The following EIF3CL variants were observed in gnomAD, a reference collection of about 807,000 sequenced individuals.
EIF3CL encodes the protein eukaryotic translation initiation factor 3 subunit C like.
For synonymous variants in EIF3CL, 2 were observed against 19.6 expected (o/e 0.10, Z 2.37); for missense variants, 5 against 56.1 (o/e 0.09, Z 2.91).
chr16:28,419,320 C>G, the EIF3CL span, among the ~76,000 whole-genome samples: 1 of 150,740 alleles, frequency 6.6e-6, no homozygotes, highest in African/African-American at 2.5e-5. Flanking sequence ...GGTTAACTGT[C>G]TTGACAGGAA....
At chr16:28,384,079 G>A (rs1201004530) in intron 15 of EIF3CL, among the ~76,000 whole-genome samples, 1 of 20,654 alleles carries the variant, frequency 4.8e-5, no homozygotes, top group Non-Finnish European at 1.2e-4. Flanking sequence ...AACAAGGGGC[G>A]CAACACAGCT....
the EIF3CL span, chr16:28,414,994 G>A: frequency 6.3e-6 from 3 of 478,102 alleles, no homozygotes; most frequent in Non-Finnish European, 1.3e-5. Flanking sequence ...CTGTTCCCAA[G>A]ACAGGCGGGG....
the EIF3CL span, among the ~76,000 whole-genome samples, chr16:28,423,861 GC>G: frequency 8.8e-6 from 1 of 113,696 alleles, no homozygotes; most frequent in African/African-American, 2.8e-5. Flanking sequence ...TTGCTCTGTT[GC>G]CCAGGCTGGA....
At chr16:28,415,180 G>A in the EIF3CL span, among the ~76,000 whole-genome samples, 3 of 100,370 alleles carry the variant, frequency 3.0e-5, 1 homozygote, top group Middle Eastern at 3.8e-3. Flanking sequence ...CCCCCTCCCC[G>A]CCCTCTCCAC....
chr16:28,419,058 G>A, the EIF3CL span, among the ~76,000 whole-genome samples: 1 of 142,854 alleles, frequency 7.0e-6, no homozygotes, highest in South Asian at 2.1e-4. Context: ...CCAGGCTGGA[G>A]TGCAGTAGGA....
intron 8 of EIF3CL, among the ~76,000 whole-genome samples, chr16:28,397,008 G>A (rs1380802264): frequency 4.3e-4 from 1 of 2,326 alleles, no homozygotes; most frequent in African/African-American, 9.7e-4. Context: ...TATAATAAAC[G>A]TAAATGAACT....
At chr16:28,417,328 C>G in the EIF3CL span, among the ~76,000 whole-genome samples, 1 of 145,590 alleles carries the variant, frequency 6.9e-6, no homozygotes, top group African/African-American at 2.6e-5. Context: ...CCCAACAGCT[C>G]ATTGAGAACG....
At chr16:28,403,250 A>C (rs1485290994) in intron 2 of EIF3CL, among the ~76,000 whole-genome samples, 1 of 68,652 alleles carries the variant, frequency 1.5e-5, no homozygotes, top group Non-Finnish European at 3.0e-5. Context: ...GAGGCTGTAG[A>C]CTTAAGGCCA....
chr16:28,392,605 A>AAAAAC (rs1175634426), intron 8 of EIF3CL, among the ~76,000 whole-genome samples: 3 of 115,634 alleles, frequency 2.6e-5, no homozygotes, highest in South Asian at 2.5e-4. Flanking sequence ...CAGTCTCCAA[A>AAAAAC]AAAACAAAAC....
the EIF3CL span, among the ~76,000 whole-genome samples, chr16:28,419,044 T>C: frequency 6.9e-6 from 1 of 144,114 alleles, no homozygotes; most frequent in Non-Finnish European, 1.6e-5. Flanking sequence ...TCTCCCTCTG[T>C]TGCCCAGGCT....
At chr16:28,419,315 A>G in the EIF3CL span, among the ~76,000 whole-genome samples, 2 of 150,644 alleles carry the variant, frequency 1.3e-5, no homozygotes, top group South Asian at 4.1e-4. Flanking sequence ...CCTCTGGTTA[A>G]CTGTCTTGAC....
At chr16:28,418,649 TG>T in the EIF3CL span, among the ~76,000 whole-genome samples, 27,503 of 139,826 alleles carry the variant, frequency 0.2, 581 homozygotes, top group Non-Finnish European at 0.25. Context: ...TTTTTTTTTT[TG>T]ACACAGTTTC....
At chr16:28,416,755 G>A in the EIF3CL span, among the ~76,000 whole-genome samples, 1 of 83,930 alleles carries the variant, frequency 1.2e-5, no homozygotes, top group South Asian at 3.2e-4. Context: ...GGAGGGAGGT[G>A]GGGGGGGTCA....
At chr16:28,419,066 G>A in the EIF3CL span, among the ~76,000 whole-genome samples, 3 of 142,232 alleles carry the variant, frequency 2.1e-5, no homozygotes, top group African/African-American at 7.7e-5. Context: ...GAGTGCAGTA[G>A]GATGATCTTG....
the EIF3CL span, among the ~76,000 whole-genome samples, chr16:28,418,314 C>T: frequency 3.3e-5 from 4 of 120,070 alleles, no homozygotes; most frequent in Non-Finnish European, 7.3e-5. Flanking sequence ...CATGCGCCAC[C>T]ACGCCTGGCT....
chr16:28,418,085 G>T, the EIF3CL span, among the ~76,000 whole-genome samples: 7 of 150,674 alleles, frequency 4.6e-5, no homozygotes, highest in Admixed American at 3.3e-4. Context: ...CTATAAAAAA[G>T]AATCCCAGCC....
the EIF3CL span, among the ~76,000 whole-genome samples, chr16:28,416,760 G>T: frequency 3.4e-5 from 4 of 116,064 alleles, no homozygotes; most frequent in Non-Finnish European, 5.7e-5. Flanking sequence ...GAGGTGGGGG[G>T]GGTCAGCCCC....
the EIF3CL span, among the ~76,000 whole-genome samples, chr16:28,417,165 C>G: frequency 7.0e-6 from 1 of 142,374 alleles, no homozygotes; most frequent in African/African-American, 2.7e-5. Context: ...CCCCGCCCGG[C>G]CAGCCGCCCC....
At chr16:28,417,872 C>CA in the EIF3CL span, among the ~76,000 whole-genome samples, 157 of 109,644 alleles carry the variant, frequency 1.4e-3, no homozygotes, top group African/African-American at 4.5e-3. Context: ...TTTAGGAATG[C>CA]AAAAAAAAAA....
Sources: allele counts gnomAD v4.1 joint callset (sites outside exome capture counted in the v4.1 genomes callset), GRCh38; gene constraint gnomAD v4.1.1; transcripts MANE v1.5; gene names NCBI Gene and HGNC (gene_info 2026-07-23, HGNC 2026-07-21).